Variants in PCDHGB1 observed in about 807,000 individuals in gnomAD.
The protein encoded by PCDHGB1 is protocadherin gamma subfamily B, 1, also known as protocadherin gamma-B1.
PCDHGB1 carries 34 observed loss-of-function variants against 56.6 expected under a neutral mutation model. The observed-to-expected ratio is 0.60, with a 90% CI of 0.46 to 0.80. The LOEUF (loss-of-function observed/expected upper bound fraction) is 0.80, where lower values mean the gene tolerates loss of function less well. PCDHGB1 is among the 30% of genes least tolerant of loss of function. The pLI, the probability that PCDHGB1 is intolerant of heterozygous loss-of-function variation, is 0.00. For synonymous variants in PCDHGB1, 561 were observed against 505.9 expected (o/e 1.11, Z -1.46); for missense variants, 1,278 against 1,204.6 (o/e 1.06, Z -0.90).
intron 1 of PCDHGB1, among the ~76,000 whole-genome samples, chr5:141,459,494 G>C (rs1454297107): frequency 2.0e-5 from 3 of 152,200 alleles, no homozygotes; most frequent in African/African-American, 7.2e-5. Context: ...CTGAATTAAA[G>C]TGATGTGAAC....
At chr5:141,380,974 A>C (rs1008958709) in intron 1 of PCDHGB1, among the ~76,000 whole-genome samples, 4 of 152,262 alleles carry the variant, frequency 2.6e-5, no homozygotes, top group African/African-American at 9.6e-5. Context: ...TATTAAACAA[A>C]TAGAATTTAA....
In PCDHGB1 at chr5:141,350,904, G is replaced by C; in HGVS notation, c.644G>C (p.Gly215Ala). 1 of 1,614,054 alleles carries C rather than the reference G, an allele frequency of 6.2e-7. No individual in the cohort carries two copies. The highest frequency in any genetic ancestry group is 2.2e-5 in the East Asian group (1 of 44,884). ...TTAATCCTGACTGCCATGGATGGCG[G>C]GGACCCGCCTCTAAGCGGCACCACC... Reference protein sequence around the residue: ...HRLILTAMDGGDPPLSGTTHI... With the variant: ...HRLILTAMDGADPPLSGTTHI... Residue 215 changes from glycine to alanine, a missense_variant, in exon 1 of 4, where the codon GGG becomes GCG. Gly to Ala is a moderately conservative substitution (Grantham distance 60, BLOSUM62 0). Coordinates refer to ENST00000523390, the MANE Select transcript of PCDHGB1 (RefSeq NM_018922.3).
At chr5:141,372,053 C>G in intron 1 of PCDHGB1, 1 of 1,613,498 alleles carries the variant, frequency 6.2e-7, no homozygotes, top group South Asian at 1.1e-5. Flanking sequence ...TGTTGGTGGA[C>G]GACCGCAACG....
At chr5:141,434,265 GA>G (rs2097683598) in intron 1 of PCDHGB1, among the ~76,000 whole-genome samples, 1 of 152,186 alleles carries the variant, frequency 6.6e-6, no homozygotes, top group South Asian at 2.1e-4. Context: ...GGGGGAGGTG[GA>G]AATTAGAGGT....
At chr5:141,416,501 T>C (rs1164504285) in intron 1 of PCDHGB1, 6 of 152,148 alleles carry the variant, frequency 3.9e-5, no homozygotes, top group Non-Finnish European at 7.4e-5. Context: ...AAGAGATATA[T>C]GACAAAGCTA....
intron 1 of PCDHGB1, chr5:141,376,286 A>T: frequency 6.2e-7 from 1 of 1,614,174 alleles, no homozygotes; most frequent in Non-Finnish European, 8.5e-7. Flanking sequence ...CTTAGCGAGC[A>T]TGCCCGGCTC....
chr5:141,437,037 A>G (rs1410732155), intron 1 of PCDHGB1, among the ~76,000 whole-genome samples: 2 of 152,264 alleles, frequency 1.3e-5, no homozygotes, highest in Admixed American at 1.3e-4. Flanking sequence ...TGGATCACCG[A>G]AACCAGAAGG....
chr5:141,446,353 T>C (rs1278613929), intron 1 of PCDHGB1, among the ~76,000 whole-genome samples: 2 of 152,176 alleles, frequency 1.3e-5, no homozygotes, highest in Non-Finnish European at 2.9e-5. Flanking sequence ...AAGCTACCAT[T>C]TGATGAGAAT....
At chr5:141,470,139 A>AT (rs146570937) in intron 1 of PCDHGB1, among the ~76,000 whole-genome samples, 7,047 of 152,316 alleles carry the variant, frequency 0.046, 200 homozygotes, top group Middle Eastern at 0.092. Flanking sequence ...AAAAAAAAAG[A>AT]TCATAGATCA....
chr5:141,375,186 T>C, intron 1 of PCDHGB1: 1 of 1,613,988 alleles, frequency 6.2e-7, no homozygotes, highest in Non-Finnish European at 8.5e-7. Context: ...GTAATCGCCC[T>C]TTTTCAAGTG....
At chr5:141,478,045 T>C in intron 1 of PCDHGB1, 3 of 1,614,144 alleles carry the variant, frequency 1.9e-6, no homozygotes, top group East Asian at 2.2e-5. Flanking sequence ...CCAGGCAGAC[T>C]CTCACGGTCT....
At position 141,499,506 on chromosome 5, in the gene PCDHGB1, CA is replaced by C. The variant is rs759983739; in HGVS notation, c.2468+4644del. Among the ~76,000 whole-genome samples, 6 of 152,086 alleles carry C rather than the reference CA, an allele frequency of 3.9e-5. No homozygotes were observed. The South Asian group carries it at 1.0e-3, about 26-fold the overall frequency. On this transcript the variant is annotated intron_variant, in intron 2 of 3. Coordinates refer to ENST00000523390, the MANE Select transcript of PCDHGB1 (RefSeq NM_018922.3). Reference sequence around the variant, plus strand: ...AACTACAGTTTAATATGAAACATTTCAAATATGTACAAAAGTAGAGAGAATG... The same window carrying C: ...AACTACAGTTTAATATGAAACATTTCAATATGTACAAAAGTAGAGAGAATG...
At chr5:141,375,460 C>G (rs184685234) in intron 1 of PCDHGB1, 288 of 1,614,022 alleles carry the variant, frequency 1.8e-4, no homozygotes, top group Non-Finnish European at 2.3e-4. Flanking sequence ...CCTACTCAGT[C>G]TATGTCCTTG....
chr5:141,470,577 C>T (rs75062402), intron 1 of PCDHGB1, among the ~76,000 whole-genome samples: 8,307 of 152,270 alleles, frequency 0.055, 479 homozygotes, highest in African/African-American at 0.15. Flanking sequence ...GCAGGATCAA[C>T]TTCATAGGCA....
intron 2 of PCDHGB1, among the ~76,000 whole-genome samples, chr5:141,499,937 C>T (rs1257575594): frequency 6.6e-6 from 1 of 152,082 alleles, no homozygotes; most frequent in Non-Finnish European, 1.5e-5. Context: ...ATCCACCCTC[C>T]TCGGCCTCCC....
chr5:141,413,737 A>AC, intron 1 of PCDHGB1: 1 of 1,613,410 alleles, frequency 6.2e-7, no homozygotes, highest in Non-Finnish European at 8.5e-7. Flanking sequence ...AAGAGTTCAG[A>AC]GCCGTGCCAA....
rs781550738 is a variant in PCDHGB1 at position 141,487,383 on chromosome 5, C to A, written c.2410-7424C>A. On this transcript the variant is annotated intron_variant, in intron 1 of 3. Transcript: ENST00000523390. This position sits in a 1 kb window ranked among gnomAD's most constrained non-coding sequence, Gnocchi z 5.0. Reference sequence around the variant, plus strand: ...GGCACCTGTGCCTGTCTCACCAGATCTCGAAGGAGGGAGGGGCTTCCCCCT... The same window carrying A: ...GGCACCTGTGCCTGTCTCACCAGATATCGAAGGAGGGAGGGGCTTCCCCCT... The A allele has an allele frequency of 3.7e-6, 6 of 1,614,196 alleles. No individual in the cohort carries two copies. The South Asian group carries it at 6.6e-5, about 18-fold the overall frequency.
chr5:141,490,128 C>T lies in PCDHGB1; in HGVS notation c.2410-4679C>T, dbSNP rs970815408. 1.2e-6 allele frequency: 2 copies of T among 1,614,254 alleles called. No homozygotes were observed. Among genetic ancestry groups the T allele is most frequent in the Non-Finnish European group, 8.5e-7 (1 of 1,180,042 alleles). ...CAGTGCGGAACCTCTTTGGCCTAGA[C>T]CCTAGCAGTGGGGCAATCCATGTGT... On this transcript the variant is annotated intron_variant, in intron 1 of 3. Transcript: ENST00000523390. The surrounding 1 kb of genome is among the most constrained non-coding windows in gnomAD (Gnocchi z 5.4).
intron 1 of PCDHGB1, chr5:141,409,138 A>G (rs2095229593): frequency 1.2e-6 from 2 of 1,614,046 alleles, no homozygotes; most frequent in Non-Finnish European, 1.7e-6. Flanking sequence ...TTGAAGATGT[A>G]GAAAGGTACA....
Sources: allele counts gnomAD v4.1 joint callset (sites outside exome capture counted in the v4.1 genomes callset), GRCh38; gene constraint gnomAD v4.1.1; non-coding constraint Gnocchi (gnomAD v3.1); transcripts MANE v1.5; gene names NCBI Gene and HGNC (gene_info 2026-07-23, HGNC 2026-07-21).